Variants in LZTS2 observed in about 807,000 individuals in gnomAD.
LZTS2 encodes leucine zipper tumor suppressor 2, also known as leucine zipper putative tumor suppressor 2.
LZTS2 carries 32 observed loss-of-function variants against 60.6 expected under a neutral mutation model. The ratio of observed to expected loss-of-function variants is 0.53; its 90% CI spans 0.40 to 0.71. The LOEUF (loss-of-function observed/expected upper bound fraction) is 0.71. Among genes scored for constraint, LZTS2 ranks in the 30% least tolerant of loss-of-function variants. LZTS2 has a pLI of 0.00. For synonymous variants in LZTS2, 360 were observed against 393.1 expected, an observed-to-expected ratio of 0.92 and a Z score of 1.00; for missense variants, 792 against 901.9, an observed-to-expected ratio of 0.88 and a Z score of 1.56.
chr10:101,003,905 CCACT>C lies in LZTS2; in HGVS notation c.810_813del (p.His270GlnfsTer15). On this transcript the variant is annotated frameshift_variant, in exon 2 of 4. Coordinates refer to ENST00000370220, the Ensembl canonical transcript of LZTS2. LOFTEE classifies it high-confidence loss of function. ...CCCGAGGGGTCCCTACTGGGCCCTC[CCACT>C]CAGACAGTGGCCGGTCCTCCTCCAG... 1 of 1,612,114 alleles carries C rather than the reference CCACT, an allele frequency of 6.2e-7. No homozygotes were observed. Among genetic ancestry groups the C allele is most frequent in the Non-Finnish European group, 8.5e-7 (1 of 1,179,120 alleles).
exon 2 of LZTS2, chr10:101,004,099 G>A (rs761998754): frequency 8.7e-6 from 14 of 1,612,998 alleles, no homozygotes; most frequent in Middle Eastern, 1.6e-4. Context: ...GGAAAGCTCC[G>A]AGACCGGGAG....
chr10:101,003,063 G>T, intron 1 of LZTS2, 117 bp downstream of exon 2: 2 of 1,281,030 alleles, frequency 1.6e-6, no homozygotes, highest in South Asian at 1.5e-5. Context: ...CCAGACCTGG[G>T]TCCTAATCCC....
chr10:101,003,683 C>G, exon 2 of LZTS2: 1 of 1,612,668 alleles, frequency 6.2e-7, no homozygotes, highest in Non-Finnish European at 8.5e-7. Context: ...CTTCCTCCTC[C>G]TCTTCAGCTG....
exon 4 of LZTS2, chr10:101,006,506 A>C: frequency 1.2e-6 from 2 of 1,610,370 alleles, no homozygotes; most frequent in Non-Finnish European, 8.5e-7. Flanking sequence ...ATCAGGCGAG[A>C]TCTCCCTGCT....
chr10:101,006,344 C>T lies in LZTS2; in HGVS notation c.1327-141C>T, dbSNP rs1361248227. 4 of 1,412,860 alleles carry T rather than the reference C, an allele frequency of 2.8e-6. No individual in the cohort carries two copies. In the South Asian group the frequency reaches 4.5e-5, roughly 16 times the overall value. 87.5% of individuals were successfully genotyped at this position (1,412,860 alleles called of 1,614,324 possible). On this transcript the variant is annotated intron_variant, in intron 3 of 3. Coordinates refer to ENST00000370220, the Ensembl canonical transcript of LZTS2. ...TAACTGTATGACCTTGGACATGTCA[C>T]TAGACTTGCTTTAGTGTCTCCATCT...
At chr10:101,003,900 C>T (rs1166470724) in exon 2 of LZTS2, 2 of 1,612,564 alleles carry the variant, frequency 1.2e-6, no homozygotes, top group Admixed American at 3.3e-5. Flanking sequence ...CCCTACTGGG[C>T]CCTCCCACTC....
exon 1 of LZTS2, chr10:101,002,324 G>T: frequency 2.1e-6 from 1 of 472,622 alleles, no homozygotes; most frequent in Non-Finnish European, 3.7e-6. Flanking sequence ...GACCAGCATT[G>T]GGCAGTGTGG....
exon 4 of LZTS2, chr10:101,007,181 C>T: frequency 6.4e-7 from 1 of 1,551,672 alleles, no homozygotes; most frequent in Non-Finnish European, 8.7e-7. Flanking sequence ...CCCTCAGCAA[C>T]CAGCTCTGTA....
exon 4 of LZTS2, chr10:101,006,626 G>A: frequency 6.3e-7 from 1 of 1,595,726 alleles, no homozygotes; most frequent in Non-Finnish European, 8.5e-7. Flanking sequence ...GGTCAGTGAG[G>A]GCCGTGCGCG....
chr10:101,007,337 GA>G, exon 4 of LZTS2: 1 of 1,417,180 alleles, frequency 7.1e-7, no homozygotes, highest in Non-Finnish European at 9.2e-7. Context: ...GTGGCCCTAT[GA>G]CTTGGAGGAG....
intron 1 of LZTS2, 139 bp downstream of exon 2, chr10:101,003,085 A>G: frequency 3.6e-6 from 4 of 1,101,776 alleles, no homozygotes; most frequent in Non-Finnish European, 5.0e-6. Context: ...GCTCTCTCTC[A>G]TTCTGGATGT....
At chr10:101,001,447 A>C (rs1047925242) in exon 1 of LZTS2, 1 of 152,254 alleles carries the variant, frequency 6.6e-6, no homozygotes, top group Non-Finnish European at 1.5e-5. Flanking sequence ...ATGTAGTCAC[A>C]CAACAAATAA....
chr10:100,997,849 C>T (rs1246000314), upstream of LZTS2, among the ~76,000 whole-genome samples: 1 of 152,198 alleles, frequency 6.6e-6, no homozygotes, highest in East Asian at 1.9e-4. Flanking sequence ...AACCGGAGCA[C>T]AGCGCCCCCT....
chr10:100,998,009 C>G (rs924956474), upstream of LZTS2, among the ~76,000 whole-genome samples: 2 of 152,206 alleles, frequency 1.3e-5, no homozygotes, highest in Non-Finnish European at 2.9e-5. Context: ...CAGCTGCCCC[C>G]GCCTGTTACC....
intron 1 of LZTS2, 115 bp downstream of exon 2, chr10:101,003,061 G>T: frequency 7.7e-7 from 1 of 1,300,618 alleles, no homozygotes; most frequent in Non-Finnish European, 1.0e-6. Context: ...CACCAGACCT[G>T]GGTCCTAATC....
chr10:101,003,111 T>A, intron 1 of LZTS2, 165 bp downstream of exon 2: 2 of 870,768 alleles, frequency 2.3e-6, no homozygotes, highest in South Asian at 1.9e-5. Flanking sequence ...CTCAGGGAAG[T>A]CACTTAACCT....
chr10:101,004,316 G>A (rs1852122819), intron 2 of LZTS2, 150 bp downstream of exon 3: 5 of 869,240 alleles, frequency 5.8e-6, no homozygotes, highest in African/African-American at 1.7e-5. Context: ...CTGGTTTAAT[G>A]TGTGGAGTAG....
upstream of LZTS2, among the ~76,000 whole-genome samples, chr10:100,996,866 C>G (rs935294445): frequency 6.6e-6 from 1 of 152,246 alleles, no homozygotes; most frequent in African/African-American, 2.4e-5. Context: ...TAGCCGAATT[C>G]TCGGTCACGT....
chr10:101,002,622 T>C, exon 1 of LZTS2: 2 of 1,597,048 alleles, frequency 1.3e-6, no homozygotes, highest in Non-Finnish European at 1.7e-6. Flanking sequence ...TCATGGGTAG[T>C]GTGAGCAGCC....
Sources: gnomAD v4.1 joint callset for allele counts (sites outside exome capture counted in the v4.1 genomes callset) on GRCh38, gnomAD v4.1.1 for gene constraint, MANE v1.5 for transcripts, NCBI Gene and HGNC (gene_info 2026-07-23, HGNC 2026-07-21) for gene names.